OAS2: variants seen among roughly 807,000 people sequenced by gnomAD.
The protein encoded by OAS2 is 2'-5'-oligoadenylate synthetase 2, also known as 2'-5'-oligoadenylate synthase 2.
In OAS2, 67 loss-of-function variants were observed where a neutral mutation model predicts 71.3. The ratio of observed to expected loss-of-function variants is 0.94; its 90% CI spans 0.77 to 1.15. The LOEUF (loss-of-function observed/expected upper bound fraction) is 1.15. OAS2 is among the 50% of genes most tolerant of loss of function. OAS2 has a pLI of 0.00. For missense variants in OAS2, 789 were observed against 822.5 expected, an observed-to-expected ratio of 0.96 and a Z score of 0.50; for synonymous variants, 327 against 321.8, an observed-to-expected ratio of 1.02 and a Z score of -0.17.
rs933727349 is a variant in OAS2, at chr12:113,009,862, T to C, written c.*607T>C. On this transcript the variant is annotated 3_prime_UTR_variant, in exon 10 of 10. Transcript: ENST00000392583. ...TGCCACACCTCTCCAAAGCCCTCCCTACCTACCAAGATATACCTGATATAT... is the reference window on the plus strand; with the variant it reads ...TGCCACACCTCTCCAAAGCCCTCCCCACCTACCAAGATATACCTGATATAT... The C allele has an allele frequency of 4.1e-5, 40 of 986,722 alleles. No individual in the cohort carries two copies. The highest frequency in any genetic ancestry group is 4.6e-5 in the Non-Finnish European group (38 of 830,964). 61.1% of individuals were successfully genotyped at this position (986,722 alleles called of 1,614,324 possible). A position where few individuals can be genotyped will look rare whatever the true frequency, so the allele number is the denominator to read the frequency against.
Position 112,978,917 on chromosome 12 carries a change from C to T in OAS2, c.177+132C>T, listed in dbSNP as rs1292492983. The T allele has an allele frequency of 2.0e-5, 17 of 839,520 alleles. No homozygotes were observed. Among genetic ancestry groups the T allele is most frequent in the Non-Finnish European group, 2.9e-5 (16 of 549,346 alleles). The allele number at this position is 839,520 out of a possible 1,614,324, so 52.0% of individuals were successfully genotyped here. A position where few individuals can be genotyped will look rare whatever the true frequency, so the allele number is the denominator to read the frequency against. On this transcript the variant is annotated intron_variant, in intron 1 of 9. Coordinates refer to ENST00000392583, the MANE Select transcript of OAS2 (RefSeq NM_002535.3). This position sits in a 1 kb window ranked among gnomAD's most constrained non-coding sequence, Gnocchi z 4.2. ...TGGGTGGGATGTGGTGTAGGAGTCT[C>T]AGGCTCTGGAGCAGGCGCTTGCTCC...
At chr12:112,985,824 T>G (rs1417274129) in intron 1 of OAS2, among the ~76,000 whole-genome samples, 1 of 152,210 alleles carries the variant, frequency 6.6e-6, no homozygotes, top group Non-Finnish European at 1.5e-5. Context: ...GACATTTTCC[T>G]CTGCTGGGCA....
chr12:112,995,897 G>A (rs149420146), intron 3 of OAS2, among the ~76,000 whole-genome samples: 9 of 152,244 alleles, frequency 5.9e-5, no homozygotes, highest in Non-Finnish European at 1.2e-4. Context: ...TGTCTCCTGG[G>A]CTCAAGCAAT....
intron 2 of OAS2, among the ~76,000 whole-genome samples, chr12:112,994,520 C>T (rs1191514634): frequency 6.6e-6 from 1 of 152,142 alleles, no homozygotes; most frequent in Admixed American, 6.5e-5. Flanking sequence ...CTCTCGGGGT[C>T]AAGGAGTTCG....
At chr12:113,000,591 A>C (rs1437405077) in intron 5 of OAS2, among the ~76,000 whole-genome samples, 16 of 151,456 alleles carry the variant, frequency 1.1e-4, no homozygotes, top group Admixed American at 1.1e-3. Context: ...ACACACATAC[A>C]TGCATACACA....
intron 3 of OAS2, 45 bp downstream of exon 3, chr12:112,995,519 T>A (rs747510754): frequency 5.3e-5 from 82 of 1,545,734 alleles, no homozygotes; most frequent in Non-Finnish European, 6.4e-5. Flanking sequence ...CATTTCCTTT[T>A]TATCGAGATA....
At chr12:112,988,065 A>C (rs1243122162) in intron 2 of OAS2, 1 of 985,334 alleles carries the variant, frequency 1.0e-6, no homozygotes, top group Non-Finnish European at 1.2e-6. Context: ...AAATAGCCAC[A>C]GTCTAAGCTG....
chr12:112,982,365 G>A (rs928209058), intron 1 of OAS2, among the ~76,000 whole-genome samples: 2 of 152,004 alleles, frequency 1.3e-5, no homozygotes, highest in East Asian at 3.9e-4. Flanking sequence ...AATTTGTTGA[G>A]GGTTTTTAGC....
intron 2 of OAS2, among the ~76,000 whole-genome samples, chr12:112,993,709 T>TC (rs2044211044): frequency 6.6e-6 from 1 of 151,006 alleles, no homozygotes; most frequent in Non-Finnish European, 1.5e-5. Flanking sequence ...CTTTTTTTTT[T>TC]CTCCAAAAAA....
rs376061108 is a variant in OAS2 at position 113,009,492 on chromosome 12, C to T, written c.*237C>T. The T allele has an allele frequency of 4.3e-5, 52 of 1,215,850 alleles. No homozygotes were observed. In the African/African-American group the frequency reaches 6.7e-4, roughly 16 times the overall value. The allele number at this position is 1,215,850 out of a possible 1,614,324, so 75.3% of individuals were successfully genotyped here. A position where few individuals can be genotyped will look rare whatever the true frequency, so the allele number is the denominator to read the frequency against. On this transcript the variant is annotated 3_prime_UTR_variant, in exon 10 of 10. Coordinates refer to ENST00000392583, the MANE Select transcript of OAS2 (RefSeq NM_002535.3). ...GTCTCTACCCAGTAGATGCCACTAG[C>T]CCTCCTCTCCCAGTGACAACCAAAA...
chr12:112,979,330 C>A (rs2044057868), intron 1 of OAS2, among the ~76,000 whole-genome samples: 1 of 152,088 alleles, frequency 6.6e-6, no homozygotes, highest in Admixed American at 6.5e-5. Context: ...ATGCCAGGAC[C>A]CTAGAATTGG....
chr12:113,007,451 T>C (rs554806372), intron 8 of OAS2, among the ~76,000 whole-genome samples: 7 of 152,198 alleles, frequency 4.6e-5, no homozygotes, highest in Non-Finnish European at 1.0e-4. Flanking sequence ...ATAGCTGGCA[T>C]GCAGTGGGTT....
At chr12:112,993,270 T>C (rs2044207423) in intron 2 of OAS2, among the ~76,000 whole-genome samples, 1 of 152,196 alleles carries the variant, frequency 6.6e-6, no homozygotes, top group African/African-American at 2.4e-5. Context: ...CCCTAGGGCC[T>C]TTGACCCAAA....
chr12:113,004,743 T>C (rs960960015), intron 6 of OAS2, among the ~76,000 whole-genome samples, 191 bp from the exon 7 acceptor site: 1 of 152,212 alleles, frequency 6.6e-6, no homozygotes, highest in African/African-American at 2.4e-5. Flanking sequence ...GGGAACTGTA[T>C]TGTTTAATAA....
intron 1 of OAS2, among the ~76,000 whole-genome samples, chr12:112,984,985 C>T (rs2044120074): frequency 6.6e-6 from 1 of 152,078 alleles, no homozygotes; most frequent in Non-Finnish European, 1.5e-5. Context: ...CTATTCTCTT[C>T]TGACCTGTAA....
chr12:112,981,387 T>C (rs1258243515), intron 1 of OAS2, among the ~76,000 whole-genome samples: 2 of 152,176 alleles, frequency 1.3e-5, no homozygotes, highest in African/African-American at 4.8e-5. Context: ...TTTTAGTTAA[T>C]TTTTTATAAG....
chr12:112,987,370 C>A (rs935722599), intron 2 of OAS2, 62 bp downstream of exon 2: 4 of 1,599,842 alleles, frequency 2.5e-6, no homozygotes, highest in Non-Finnish European at 3.4e-6. Flanking sequence ...CAGCTCTGTG[C>A]AACCTCTAGG....
chr12:113,005,297 G>A lies in OAS2; in HGVS notation c.1468+75G>A, dbSNP rs183151384. 38 of 1,446,180 alleles carry A rather than the reference G, an allele frequency of 2.6e-5. No homozygotes were observed. The African/African-American group carries it at 3.1e-4, about 12-fold the overall frequency. 89.6% of individuals were successfully genotyped at this position (1,446,180 alleles called of 1,614,324 possible). ...AGGGAGAGCCACGTGACTTGATTAC[G>A]GGCTCTGAAAACATGTGCCACTCAT... On this transcript the variant is annotated intron_variant, in intron 7 of 9. Coordinates refer to ENST00000392583, the MANE Select transcript of OAS2 (RefSeq NM_002535.3).
chr12:113,006,355 G>A (rs949205307), intron 7 of OAS2, 58 bp from the exon 8 acceptor site: 2 of 1,351,686 alleles, frequency 1.5e-6, no homozygotes, highest in African/African-American at 1.4e-5. Context: ...AAAATGTTTT[G>A]GAATCTGTTA....
Sources: gnomAD v4.1 joint callset for allele counts (sites outside exome capture counted in the v4.1 genomes callset) on GRCh38, gnomAD v4.1.1 for gene constraint, Gnocchi (gnomAD v3.1) non-coding constraint, MANE v1.5 for transcripts, NCBI Gene and HGNC (gene_info 2026-07-23, HGNC 2026-07-21) for gene names.